The following F3 variants were observed in gnomAD, a reference collection of about 807,000 sequenced individuals.
F3 encodes coagulation factor III, tissue factor.
Under a neutral mutation model 33.5 loss-of-function variants are expected in F3, and 18 were observed. That is an observed-to-expected ratio of 0.54 (90% CI 0.37 to 0.80). The LOEUF (loss-of-function observed/expected upper bound fraction) is 0.80. F3 is among the 30% of genes least tolerant of loss of function. The probability of loss-of-function intolerance (pLI) is 0.00; values close to 1 mark genes in which losing one functional copy is unlikely to be tolerated. For synonymous variants in F3, 147 were observed against 140.7 expected (o/e 1.05, Z -0.32); for missense variants, 353 against 362.1 (o/e 0.97, Z 0.20).
intron 5 of F3, 49 bp from the exon 6 acceptor site, chr1:94,530,645 T>G: frequency 1.2e-6 from 2 of 1,608,380 alleles, no homozygotes; most frequent in Non-Finnish European, 1.7e-6. Context: ...AAATCCCATT[T>G]ATCAGTGGAC....
At chr1:94,537,548 C>T (rs559493209) in intron 2 of F3, among the ~76,000 whole-genome samples, 9 of 152,294 alleles carry the variant, frequency 5.9e-5, no homozygotes, top group Admixed American at 1.3e-4. Flanking sequence ...TATAGGGTCT[C>T]GCTGACTATT....
intron 2 of F3, among the ~76,000 whole-genome samples, chr1:94,539,444 G>A (rs144088616): frequency 1.3e-5 from 2 of 152,166 alleles, no homozygotes; most frequent in Admixed American, 1.3e-4. Flanking sequence ...AATACCTTTT[G>A]TTTTAGCTAG....
chr1:94,530,815 A>C (rs1477675055), intron 5 of F3, among the ~76,000 whole-genome samples: 1 of 152,214 alleles, frequency 6.6e-6, no homozygotes, highest in African/African-American at 2.4e-5. Context: ...GCATTTAATA[A>C]ACTGAATAAT....
At position 94,536,005 on chromosome 1, in the gene F3, A is replaced by T; in HGVS notation, c.372T>A (p.Pro124=). ...TGAACTCTGGGGAGTTCTCATACAG[A>T]GGCTCCCCAGCAGAACCGGTGCTCT... is the stretch of plus-strand genomic sequence containing the variant. The part of the protein sequence containing the change: ...NVESTGSAGE[P]LYENSPEFTP... The change falls in exon 3 of 6, where the codon CCT becomes CCA. Residue 124 remains proline (P), a synonymous_variant. Transcript: ENST00000334047. The T allele has an allele frequency of 6.2e-7, 1 of 1,614,114 alleles. No homozygotes were observed. The highest frequency in any genetic ancestry group is 8.5e-7 in the Non-Finnish European group (1 of 1,180,020).
Position 94,541,525 on chromosome 1 carries a change from G to T in F3, c.100+12C>A. On this transcript the variant is annotated intron_variant, in intron 1 of 5. Transcript: ENST00000334047. ...GGCGCGCCCCGGGCTTCCAGGGGCT[G>T]GTGCCACTCACCTGAAGCGCCGGCC... 2 of 1,479,002 alleles carry T rather than the reference G, an allele frequency of 1.4e-6. No homozygotes were observed. The highest frequency in any genetic ancestry group is 5.7e-5 in the East Asian group (2 of 34,862). 91.6% of individuals were successfully genotyped at this position (1,479,002 alleles called of 1,614,324 possible).
chr1:94,535,346 C>T (rs953391232), intron 3 of F3, among the ~76,000 whole-genome samples: 3 of 152,108 alleles, frequency 2.0e-5, no homozygotes, highest in Admixed American at 6.6e-5. Flanking sequence ...GCTCCTAGGG[C>T]CAGCTTACAG....
At position 94,533,119 on chromosome 1, in the gene F3, A is replaced by G; in HGVS notation, c.562T>C (p.Tyr188His). 6.2e-7 allele frequency: 1 copy of G among 1,613,586 alleles called. No homozygotes were observed. Among genetic ancestry groups the G allele is most frequent in the South Asian group, 1.1e-5 (1 of 90,824 alleles). Residue 188 changes from tyrosine to histidine, a missense_variant, in exon 4 of 6, where the codon TAT becomes CAT. Tyr to His is a moderately conservative substitution (Grantham distance 83). Coordinates refer to ENST00000334047, the MANE Select transcript of F3 (RefSeq NM_001993.5). ...CCTGAACTTGAAGATTTCCAATAAT[A>G]AAGTGTATAAATTAAGTCCTTGCCA... ...VFGKDLIYTL[Y>H]YWKSSSSGKK...
chr1:94,538,358 G>A (rs1651672444), intron 2 of F3, among the ~76,000 whole-genome samples: 1 of 152,232 alleles, frequency 6.6e-6, no homozygotes, highest in Non-Finnish European at 1.5e-5. Flanking sequence ...TAGCAAAGGT[G>A]AAAAATGCAG....
intron 2 of F3, 126 bp from the exon 3 acceptor site, chr1:94,536,290 G>A: frequency 1.2e-6 from 1 of 807,720 alleles, no homozygotes. Flanking sequence ...TCCTAATGAT[G>A]CAGTCACTGT....
At chr1:94,540,653 C>A (rs1160650603) in intron 1 of F3, 1 of 336,152 alleles carries the variant, frequency 3.0e-6, no homozygotes, top group Non-Finnish European at 5.5e-6. Flanking sequence ...ATAACTTGAC[C>A]GGGAAGAGCC....
chr1:94,529,176 A>G lies in F3; in HGVS notation c.*1284T>C, dbSNP rs1288095181. The G allele has an allele frequency of 1.3e-5, 2 of 152,604 alleles. No homozygotes were observed. The highest frequency in any genetic ancestry group is 2.1e-4 in the South Asian group (1 of 4,836). The allele number at this position is 152,604 out of a possible 1,614,324, so 9.5% of individuals were successfully genotyped here. A position where few individuals can be genotyped will look rare whatever the true frequency, so the allele number is the denominator to read the frequency against. On this transcript the variant is annotated 3_prime_UTR_variant, in exon 6 of 6. Transcript: ENST00000334047. ...TTGAGAAGAAGTGCAGTCAGCCTACAGTCACCAAAATGTATTATAAGCGAA... is the reference window on the plus strand; with the variant it reads ...TTGAGAAGAAGTGCAGTCAGCCTACGGTCACCAAAATGTATTATAAGCGAA...
chr1:94,532,869 G>T (rs1433457952), intron 4 of F3: 1 of 574,102 alleles, frequency 1.7e-6, no homozygotes, highest in East Asian at 3.1e-5. Flanking sequence ...AGGAACCTGG[G>T]TCTCCGAGGG....
chr1:94,536,248 T>G (rs976841681), intron 2 of F3, 84 bp from the exon 3 acceptor site: 1 of 1,240,658 alleles, frequency 8.1e-7, no homozygotes, highest in African/African-American at 1.5e-5. Flanking sequence ...GGCTGTGGTG[T>G]TCTGTGCTAA....
Position 94,533,260 on chromosome 1 carries a change from C to G in F3, c.421G>C (p.Gly141Arg). Residue 141 changes from glycine (G) to arginine (R), a missense_variant, in exon 4 of 6, where the codon GGA becomes CGA. Physicochemically the swap from Gly to Arg is moderately radical, Grantham distance 125. Coordinates refer to ENST00000334047, the MANE Select transcript of F3 (RefSeq NM_001993.5). The part of the protein sequence containing the change: ...EFTPYLETNL[G>R]QPTIQSFEQV... The stretch of plus-strand genomic sequence containing the variant: ...TCAAAACTCTGAATTGTTGGCTGTC[C>G]GAGGTTTGCTGAAACAAAGGAAATG... 1.2e-6 allele frequency: 2 copies of G among 1,610,294 alleles called. No homozygotes were observed. The highest frequency in any genetic ancestry group is 1.7e-6 in the Non-Finnish European group (2 of 1,179,242).
chr1:94,541,686 C>A lies in F3; in HGVS notation c.-50G>T, dbSNP rs1041326931. On this transcript the variant is annotated 5_prime_UTR_variant, in exon 1 of 6. Coordinates refer to ENST00000334047, the MANE Select transcript of F3 (RefSeq NM_001993.5). The stretch of plus-strand genomic sequence containing the variant: ...AGCGGGTTCCGTGGCGCCCGTGGGG[C>A]TGGGGAGGTTGGGCTGAAGGCGCCC... 16 of 1,272,178 alleles carry A rather than the reference C, an allele frequency of 1.3e-5. No individual in the cohort carries two copies. The African/African-American group carries it at 2.3e-4, about 18-fold the overall frequency. The allele number at this position is 1,272,178 out of a possible 1,614,324, so 78.8% of individuals were successfully genotyped here.
intron 2 of F3, among the ~76,000 whole-genome samples, chr1:94,537,297 T>G (rs1021244002): frequency 5.3e-5 from 8 of 152,194 alleles, no homozygotes; most frequent in African/African-American, 1.9e-4. Flanking sequence ...TTCTGTCCCA[T>G]GGAAAGTGAC....
At chr1:94,532,196 AG>A in intron 5 of F3, 124 bp downstream of exon 5, 1 of 959,044 alleles carries the variant, frequency 1.0e-6, no homozygotes, top group South Asian at 1.9e-5. Context: ...AAAAACCTCC[AG>A]GCAGTTTGTT....
At chr1:94,535,037 A>G (rs1460095667) in intron 3 of F3, among the ~76,000 whole-genome samples, 1 of 152,032 alleles carries the variant, frequency 6.6e-6, no homozygotes, top group Non-Finnish European at 1.5e-5. Flanking sequence ...AGGCAGCCAC[A>G]TTCACCTGGG....
At position 94,532,385 on chromosome 1, in the gene F3, T is replaced by C. The variant is rs1029259258; in HGVS notation, c.687A>G (p.Thr229=). ...GGCTGTCTGTACTCTTCCGGTTAAC[T>C]GTTCGGGAGGGAATCACTGCTTGAA... is the stretch of plus-strand genomic sequence containing the variant. The part of the protein sequence containing the change: ...FSVQAVIPSR[T]VNRKSTDSPV... Residue 229 remains threonine (T), a synonymous_variant, in exon 5 of 6, where the codon ACA becomes ACG. Coordinates refer to ENST00000334047, the MANE Select transcript of F3 (RefSeq NM_001993.5). 6 of 1,614,196 alleles carry C rather than the reference T, an allele frequency of 3.7e-6. No homozygotes were observed. In the South Asian group the frequency reaches 6.6e-5, roughly 18 times the overall value.
Sources: allele counts gnomAD v4.1 joint callset (sites outside exome capture counted in the v4.1 genomes callset), GRCh38; gene constraint gnomAD v4.1.1; transcripts MANE v1.5; gene names NCBI Gene and HGNC (gene_info 2026-07-23, HGNC 2026-07-21).